Variants in NAV2 observed in about 807,000 individuals in gnomAD.
NAV2 encodes the protein helicase, APC down-regulated 1.
A neutral mutation model predicts 223.2 loss-of-function variants in NAV2; 54 were observed. The observed-to-expected ratio is 0.24, with a 90% CI of 0.19 to 0.30. The LOEUF (loss-of-function observed/expected upper bound fraction) is 0.30, where lower values mean the gene tolerates loss of function less well. NAV2 is among the 10% of genes least tolerant of loss of function. NAV2 has a pLI of 1.00. For synonymous variants in NAV2, 1,279 were observed against 1,239.3 expected, an observed-to-expected ratio of 1.03 and a Z score of -0.67; for missense variants, 2,806 against 3,147.5, an observed-to-expected ratio of 0.89 and a Z score of 2.60.
chr11:19,707,476 AAT>A (rs1396190177), intron 1 of NAV2, among the ~76,000 whole-genome samples: 2 of 152,208 alleles, frequency 1.3e-5, no homozygotes, highest in African/African-American at 4.8e-5. Context: ...AAACAGGGCC[AAT>A]ATCACTGTTT....
chr11:19,913,511 G>A (rs2043498828), intron 6 of NAV2, among the ~76,000 whole-genome samples: 3 of 152,216 alleles, frequency 2.0e-5, no homozygotes, highest in Admixed American at 2.0e-4. Context: ...TCTTCATACA[G>A]AGAGAGGCAG....
At chr11:19,557,036 A>C (rs762914432) in intron 1 of NAV2, among the ~76,000 whole-genome samples, 1 of 152,220 alleles carries the variant, frequency 6.6e-6, no homozygotes, top group Non-Finnish European at 1.5e-5. Flanking sequence ...CATAATAGAC[A>C]TGCATTGCTT....
chr11:19,526,334 C>G (rs1455581535), intron 1 of NAV2, among the ~76,000 whole-genome samples: 1 of 152,170 alleles, frequency 6.6e-6, no homozygotes, highest in African/African-American at 2.4e-5. Flanking sequence ...TCTTGCATAA[C>G]TTGAAGTCAC....
intron 22 of NAV2, among the ~76,000 whole-genome samples, chr11:20,076,745 A>C (rs546661247): frequency 6.6e-6 from 1 of 152,228 alleles, no homozygotes; most frequent in Non-Finnish European, 1.5e-5. Flanking sequence ...ACATTTCCCC[A>C]TTCTTAAACT....
intron 3 of NAV2, among the ~76,000 whole-genome samples, chr11:19,851,919 A>G (rs1039344551): frequency 6.6e-6 from 1 of 152,216 alleles, no homozygotes; most frequent in Admixed American, 6.5e-5. Flanking sequence ...GGAAGGTGAG[A>G]GAGATGTGAC....
rs1447103478 is a variant in NAV2 at position 19,458,765 on chromosome 11, G to T, written c.75+107738G>T. On this transcript the variant is annotated intron_variant, in intron 1 of 37. Coordinates refer to the NAV2 transcript ENST00000360655. The stretch of plus-strand genomic sequence containing the variant: ...TGAAGAATAATGCTCAGACTCCTGT[G>T]CTAGCATGGGGTGCCCCTTGGCCCC... Among the ~76,000 whole-genome samples the T allele has an allele frequency of 2.6e-5, 4 of 152,360 alleles. No homozygotes were observed. The East Asian group carries it at 5.8e-4, about 22-fold the overall frequency.
intron 1 of NAV2, among the ~76,000 whole-genome samples, chr11:19,598,718 A>G (rs1279554811): frequency 6.6e-6 from 1 of 152,116 alleles, no homozygotes; most frequent in South Asian, 2.1e-4. Flanking sequence ...AGCTAGGGAG[A>G]TTCTCTCCCA....
chr11:19,520,912 T>C (rs1457484805), intron 1 of NAV2, among the ~76,000 whole-genome samples: 1 of 152,134 alleles, frequency 6.6e-6, no homozygotes, highest in Admixed American at 6.5e-5. Flanking sequence ...CTGCTAATTG[T>C]GGCAAATGGG....
At position 19,458,972 on chromosome 11, in the gene NAV2, C is replaced by T. The variant is rs116790327; in HGVS notation, c.75+107945C>T. 8.7e-3 allele frequency among the ~76,000 whole-genome samples: 1,318 copies of T among 152,298 alleles called. 22 individuals are homozygous for T. The highest frequency in any genetic ancestry group is 0.03 in the African/African-American group (1,251 of 41,574). On this transcript the variant is annotated intron_variant, in intron 1 of 37. Coordinates refer to the NAV2 transcript ENST00000360655. The stretch of plus-strand genomic sequence containing the variant: ...GCCACAGCAGGGAGTCTTGAGTGTG[C>T]GTGAGCACAGGTGGTGATGTGGTGC...
intron 35 of NAV2, among the ~76,000 whole-genome samples, chr11:20,106,175 ATGTGTG>A (rs1201940130): frequency 5.6e-5 from 2 of 35,828 alleles, no homozygotes; most frequent in African/African-American, 2.0e-4. Context: ...ATATATATAT[ATGTGTG>A]TGTATATATA....
At chr11:20,042,607 C>A (rs1350493021) in intron 12 of NAV2, among the ~76,000 whole-genome samples, 3 of 152,152 alleles carry the variant, frequency 2.0e-5, no homozygotes, top group Non-Finnish European at 4.4e-5. Flanking sequence ...TGAACTTGGG[C>A]TGCCTATCTG....
At chr11:19,352,001 G>GTA (rs1302418651) in intron 1 of NAV2, among the ~76,000 whole-genome samples, 21 of 151,540 alleles carry the variant, frequency 1.4e-4, no homozygotes, top group Non-Finnish European at 2.1e-4. Flanking sequence ...GTGTGTGTGT[G>GTA]TGTGTATGAA....
chr11:19,677,376 A>C (rs1276728077), intron 1 of NAV2, among the ~76,000 whole-genome samples: 1 of 152,194 alleles, frequency 6.6e-6, no homozygotes, highest in Non-Finnish European at 1.5e-5. Flanking sequence ...GAGGTGGGCA[A>C]AGGCAGCACC....
chr11:20,061,579 A>G (rs1304489719), intron 19 of NAV2, among the ~76,000 whole-genome samples: 1 of 152,064 alleles, frequency 6.6e-6, no homozygotes, highest in Non-Finnish European at 1.5e-5. Flanking sequence ...AAAAAAAAAA[A>G]AAAAAAGATG....
intron 1 of NAV2, among the ~76,000 whole-genome samples, chr11:19,370,125 C>T (rs1564883464): frequency 6.6e-6 from 1 of 152,230 alleles, no homozygotes; most frequent in Non-Finnish European, 1.5e-5. Flanking sequence ...CCCTGATACG[C>T]TCTTTCATTG....
At chr11:20,093,072 A>G (rs1158413168) in intron 28 of NAV2, 27 bp from the exon 29 acceptor site, 1 of 1,580,000 alleles carries the variant, frequency 6.3e-7, no homozygotes, top group South Asian at 1.1e-5. Flanking sequence ...CCATGTGCCT[A>G]AGGCTGTTGA....
At chr11:19,470,485 T>C (rs765700424) in intron 1 of NAV2, among the ~76,000 whole-genome samples, 2 of 152,224 alleles carry the variant, frequency 1.3e-5, no homozygotes, top group African/African-American at 2.4e-5. Flanking sequence ...AGGGCCTTCT[T>C]GCTGAATTAT....
In NAV2 at chr11:19,390,060, G is replaced by A. The variant is rs80208016; in HGVS notation, c.75+39033G>A. On this transcript the variant is annotated intron_variant, in intron 1 of 37. Coordinates refer to the NAV2 transcript ENST00000360655. ...CAAACATTCCAGGAAGGAATTGTTT[G>A]TGTAGGCTCATAAATTTGTGGATGG... Among the ~76,000 whole-genome samples, 626 of 152,326 alleles carry A rather than the reference G, an allele frequency of 4.1e-3. 5 individuals are homozygous for A. Among genetic ancestry groups the A allele is most frequent in the Admixed American group, 8.1e-3 (124 of 15,300 alleles).
rs576594850 is a variant in NAV2, at chr11:19,667,701, G to T, written c.76-164783G>T. 5.7e-4 allele frequency among the ~76,000 whole-genome samples: 87 copies of T among 152,324 alleles called. 1 individual carries two copies. In the South Asian group the frequency reaches 0.017, roughly 31 times the overall value. On this transcript the variant is annotated intron_variant, in intron 1 of 37. Transcript: ENST00000360655. The stretch of plus-strand genomic sequence containing the variant: ...TCTGAGGAACTGGAGAACTCACTGG[G>T]CTAGTATCAATGTGTATTTTATAGA...
Sources: allele counts gnomAD v4.1 joint callset (sites outside exome capture counted in the v4.1 genomes callset), GRCh38; gene constraint gnomAD v4.1.1; transcripts MANE v1.5; gene names NCBI Gene and HGNC (gene_info 2026-07-23, HGNC 2026-07-21).